Variants in ZNF101 observed in about 807,000 individuals in gnomAD.
ZNF101 encodes the protein zinc finger protein 101.
In ZNF101, 34 loss-of-function variants were observed where a neutral mutation model predicts 42.6. The observed-to-expected ratio is 0.80, with a 90% confidence interval of 0.61 to 1.06. The LOEUF (loss-of-function observed/expected upper bound fraction) is 1.06, where lower values mean the gene tolerates loss of function less well. Among genes scored for constraint, ZNF101 ranks in the 50% least tolerant of loss-of-function variants. The pLI, the probability that ZNF101 is intolerant of heterozygous loss-of-function variation, is 0.00. For missense variants in ZNF101, 466 were observed against 530.9 expected, an observed-to-expected ratio of 0.88 and a Z score of 1.20; for synonymous variants, 158 against 183.9, an observed-to-expected ratio of 0.86 and a Z score of 1.14.
rs2062241648 is a variant in ZNF101 at position 19,681,889 on chromosome 19, T to C, written c.*1589T>C. The C allele has an allele frequency of 6.6e-6, 1 of 151,894 alleles. No individual in the cohort carries two copies. Among genetic ancestry groups the C allele is most frequent in the Non-Finnish European group, 1.5e-5 (1 of 68,008 alleles). The allele number at this position is 151,894 out of a possible 1,614,324, so 9.4% of individuals were successfully genotyped here. A position where few individuals can be genotyped will look rare whatever the true frequency, so the allele number is the denominator to read the frequency against. On this transcript the variant is annotated 3_prime_UTR_variant, in exon 4 of 4. Coordinates refer to ENST00000592502, the MANE Select transcript of ZNF101 (RefSeq NM_033204.4). ...GTTATTACACAAAGTTATAAATATA[T>C]AGCATTTATCAGTGGCTCATTCTTT...
rs1364018157 is a variant in ZNF101 at position 19,682,774 on chromosome 19, A to C, written c.*2474A>C. 1 of 152,022 alleles carries C rather than the reference A, an allele frequency of 6.6e-6. No homozygotes were observed. The highest frequency in any genetic ancestry group is 1.9e-4 in the East Asian group (1 of 5,192). The allele number at this position is 152,022 out of a possible 1,614,324, so 9.4% of individuals were successfully genotyped here. ...CAGGTTTAATTTTTATGTAGTGTTT[A>C]ATTGTTCTGTGATGAATGGGCCATT... On this transcript the variant is annotated 3_prime_UTR_variant, in exon 4 of 4. Coordinates refer to ENST00000592502, the MANE Select transcript of ZNF101 (RefSeq NM_033204.4).
intron 1 of ZNF101, among the ~76,000 whole-genome samples, chr19:19,674,993 T>C (rs931862208): frequency 6.6e-6 from 1 of 151,914 alleles, no homozygotes; most frequent in Non-Finnish European, 1.5e-5. Context: ...CCTACTTTTT[T>C]GCGTTTTTAG....
At position 19,683,348 on chromosome 19, in the gene ZNF101, C is replaced by T. The variant is rs1482285609; in HGVS notation, c.*3048C>T. On this transcript the variant is annotated 3_prime_UTR_variant, in exon 4 of 4. Coordinates refer to ENST00000592502, the MANE Select transcript of ZNF101 (RefSeq NM_033204.4). ...CCATTTTTTGCTCTTTACTCTTTGT[C>T]GTTATTTCTGAGTATTATTTGGATG... 8 of 152,066 alleles carry T rather than the reference C, an allele frequency of 5.3e-5. No individual in the cohort carries two copies. Among genetic ancestry groups the T allele is most frequent in the South Asian group, 2.1e-4 (1 of 4,820 alleles). 9.4% of individuals were successfully genotyped at this position (152,066 alleles called of 1,614,324 possible).
chr19:19,675,294 T>C (rs879586759), intron 1 of ZNF101, among the ~76,000 whole-genome samples: 1 of 151,968 alleles, frequency 6.6e-6, no homozygotes, highest in Non-Finnish European at 1.5e-5. Flanking sequence ...TCCACCACCA[T>C]GCCCAGGTAA....
Position 19,677,927 on chromosome 19 carries a change from C to A in ZNF101, c.67C>A (p.Pro23Thr). ...CCAGGAGGAGTGGGCTTTGCTGAGTCCTTCCCAGAAGAATCTCTACAGAGA... is the reference window on the plus strand; with the variant it reads ...CCAGGAGGAGTGGGCTTTGCTGAGTACTTCCCAGAAGAATCTCTACAGAGA... ...FTQEEWALLS[P>T]SQKNLYRDVT... Residue 23 changes from proline (P) to threonine (T), a missense_variant, in exon 2 of 4, where the codon CCT (proline) becomes ACT (threonine). Physicochemically the swap from Pro to Thr is conservative, Grantham distance 38. Transcript: ENST00000592502. 6.2e-7 allele frequency: 1 copy of A among 1,612,702 alleles called. No individual in the cohort carries two copies. The highest frequency in any genetic ancestry group is 8.5e-7 in the Non-Finnish European group (1 of 1,179,170).
upstream of ZNF101, chr19:19,668,826 C>A: frequency 8.6e-7 from 1 of 1,160,670 alleles, no homozygotes; most frequent in Admixed American, 2.7e-5. Flanking sequence ...GTCTCATTTC[C>A]CGCCGGCCCC....
intron 2 of ZNF101, 33 bp from the exon 3 acceptor site, chr19:19,678,693 A>G (rs746076312): frequency 6.5e-7 from 1 of 1,549,294 alleles, no homozygotes; most frequent in Non-Finnish European, 8.8e-7. Flanking sequence ...ATTTTAAATA[A>G]TTCATAATAA....
intron 2 of ZNF101, 60 bp downstream of exon 2, chr19:19,678,050 GT>G: frequency 6.3e-7 from 1 of 1,582,640 alleles, no homozygotes; most frequent in African/African-American, 1.4e-5. Context: ...GGTCACCAGT[GT>G]GGTTGCACAG....
At chr19:19,674,072 G>A (rs1346260898) in intron 1 of ZNF101, among the ~76,000 whole-genome samples, 1 of 152,060 alleles carries the variant, frequency 6.6e-6, no homozygotes, top group Non-Finnish European at 1.5e-5. Context: ...GATTACAGAT[G>A]TGAGTCACCG....
In ZNF101 at chr19:19,680,299, G is replaced by C; in HGVS notation, c.1310G>C (p.Ter437SerextTer28). 5 of 1,478,264 alleles carry C rather than the reference G, an allele frequency of 3.4e-6. No homozygotes were observed. Among genetic ancestry groups the C allele is most frequent in the Non-Finnish European group, 4.5e-6 (5 of 1,110,020 alleles). 91.6% of individuals were successfully genotyped at this position (1,478,264 alleles called of 1,614,324 possible). A position where few individuals can be genotyped will look rare whatever the true frequency, so the allele number is the denominator to read the frequency against. ...GGGGATCACCTGAGCCCAGGAGTTT[G>C]AGACCAGCCTGGGCAACATAAGAAG... The part of the protein sequence containing the change: ...RQGDHLSPGV[*>S] Residue 437 changes from the stop codon to serine (S), a stop_lost, in exon 4 of 4, where the codon TGA becomes TCA. Coordinates refer to ENST00000592502, the MANE Select transcript of ZNF101 (RefSeq NM_033204.4).
chr19:19,679,226 CAG>C lies in ZNF101; in HGVS notation c.241_242del (p.Glu81AsnfsTer7), dbSNP rs1371314175. 2 of 1,614,192 alleles carry C rather than the reference CAG, an allele frequency of 1.2e-6. No homozygotes were observed. The highest frequency in any genetic ancestry group is 1.1e-5 in the South Asian group (1 of 91,086). On this transcript the variant is annotated frameshift_variant, in exon 4 of 4. Coordinates refer to ENST00000592502, the MANE Select transcript of ZNF101 (RefSeq NM_033204.4). LOFTEE classifies it high-confidence loss of function. Reference sequence around the variant, plus strand: ...GTGGACGTAAAGAAGGGAATGAACACAGAGAAACTTTCAGCCAGATTCCTGAT... The same window carrying C: ...GTGGACGTAAAGAAGGGAATGAACACAGAAACTTTCAGCCAGATTCCTGAT... ...LCGRKEGNEH[R>X]ETFSQIPDCH...
chr19:19,675,290 A>G (rs58434384), intron 1 of ZNF101, among the ~76,000 whole-genome samples: 17,684 of 151,536 alleles, frequency 0.12, 1,270 homozygotes, highest in African/African-American at 0.19. Context: ...GGCGTCCACC[A>G]CCATGCCCAG....
At chr19:19,668,716 C>T (rs2145038690), upstream of ZNF101, 1 of 482,870 alleles carries the variant, frequency 2.1e-6, no homozygotes, top group Non-Finnish European at 3.7e-6. Flanking sequence ...GCTCAAGCCC[C>T]AGGGGCGGGA....
chr19:19,671,751 G>A (rs2062171988), intron 1 of ZNF101, among the ~76,000 whole-genome samples: 1 of 151,968 alleles, frequency 6.6e-6, no homozygotes, highest in Non-Finnish European at 1.5e-5. Flanking sequence ...CGCCCGCCTC[G>A]GCCTCCCAAA....
chr19:19,677,774 G>T, intron 1 of ZNF101, 90 bp from the exon 2 acceptor site: 1 of 1,531,694 alleles, frequency 6.5e-7, no homozygotes. Flanking sequence ...TGTTTGGAGA[G>T]CCCGGCGTCA....
chr19:19,670,652 G>A (rs550576676), intron 1 of ZNF101, among the ~76,000 whole-genome samples: 8 of 152,106 alleles, frequency 5.3e-5, no homozygotes, highest in Non-Finnish European at 1.2e-4. Flanking sequence ...AGCTACTCAG[G>A]AGACTGAGGT....
Position 19,680,269 on chromosome 19 carries a change from G to T in ZNF101, c.1280G>T (p.Arg427Met). The T allele has an allele frequency of 6.5e-7, 1 of 1,532,582 alleles. No homozygotes were observed. 94.9% of individuals were successfully genotyped at this position (1,532,582 alleles called of 1,614,324 possible). The change falls in exon 4 of 4, where the codon AGG becomes ATG. Residue 427 changes from arginine to methionine, a missense_variant. Arg to Met is a moderately conservative substitution (Grantham distance 91, BLOSUM62 -1). Transcript: ENST00000592502. Reference protein sequence around the residue: ...LAGRSQCFGRRQGDHLSPGV With the variant: ...LAGRSQCFGRMQGDHLSPGV ...GGGCGTAGCCAGTGCTTTGGCAGGA[G>T]GCAGGGGGATCACCTGAGCCCAGGA...
intron 1 of ZNF101, among the ~76,000 whole-genome samples, chr19:19,671,722 A>T (rs940864252): frequency 6.6e-6 from 1 of 152,002 alleles, no homozygotes; most frequent in South Asian, 2.1e-4. Context: ...GATGGTCTCG[A>T]TCTCCTGACC....
chr19:19,670,924 G>A (rs1485916754), intron 1 of ZNF101, among the ~76,000 whole-genome samples: 1 of 152,066 alleles, frequency 6.6e-6, no homozygotes, highest in Non-Finnish European at 1.5e-5. Flanking sequence ...GCTAACACGG[G>A]GAAACCCCGT....
Sources: gnomAD v4.1 joint callset for allele counts (sites outside exome capture counted in the v4.1 genomes callset) on GRCh38, gnomAD v4.1.1 for gene constraint, MANE v1.5 for transcripts, NCBI Gene and HGNC (gene_info 2026-07-23, HGNC 2026-07-21) for gene names.